Variants in DAPK1 observed in about 807,000 individuals in gnomAD.
DAPK1 encodes the protein death-associated protein kinase 1.
Under a neutral mutation model 144.9 loss-of-function variants are expected in DAPK1, and 56 were observed. That is an observed-to-expected ratio of 0.39 (90% CI 0.31 to 0.48). The LOEUF (loss-of-function observed/expected upper bound fraction) is 0.48, where lower values mean the gene tolerates loss of function less well. DAPK1 is among the 20% of genes least tolerant of loss of function. The pLI is 0.95. For synonymous variants in DAPK1, 690 were observed against 749.0 expected (o/e 0.92, Z 1.29); for missense variants, 1,454 against 1,875.4 (o/e 0.78, Z 4.15).
At chr9:87,606,319 G>A (rs982234823) in intron 3 of DAPK1, among the ~76,000 whole-genome samples, 2 of 152,170 alleles carry the variant, frequency 1.3e-5, no homozygotes, top group Non-Finnish European at 2.9e-5. Flanking sequence ...ATGGGTCTCA[G>A]CTACAAATTT....
intron 19 of DAPK1, among the ~76,000 whole-genome samples, chr9:87,669,557 A>T (rs12349990): frequency 0.37 from 56,870 of 151,746 alleles, 12,953 homozygotes; most frequent in African/African-American, 0.64. Context: ...TCATTTTTTT[A>T]AAAACCACAA....
chr9:87,556,899 C>T (rs990013018), intron 2 of DAPK1, among the ~76,000 whole-genome samples: 17 of 152,264 alleles, frequency 1.1e-4, no homozygotes, highest in African/African-American at 3.1e-4. Context: ...CTGCCTTGGG[C>T]GTGTTCCTTG....
At chr9:87,645,470 T>G (rs907675605) in intron 11 of DAPK1, among the ~76,000 whole-genome samples, 1 of 152,238 alleles carries the variant, frequency 6.6e-6, no homozygotes, top group African/African-American at 2.4e-5. Context: ...GAGAATATCT[T>G]ATTCAAAGGT....
chr9:87,625,750 G>A (rs932853524), intron 3 of DAPK1, among the ~76,000 whole-genome samples: 2 of 152,190 alleles, frequency 1.3e-5, no homozygotes, highest in Non-Finnish European at 2.9e-5. Flanking sequence ...CTCACATTTG[G>A]TTTAGAAAAT....
At chr9:87,691,862 A>G (rs1291517955) in intron 21 of DAPK1, among the ~76,000 whole-genome samples, 2 of 151,806 alleles carry the variant, frequency 1.3e-5, no homozygotes, top group African/African-American at 4.8e-5. Flanking sequence ...TATGATTTCA[A>G]TTTTTTTTAC....
In DAPK1 at chr9:87,574,451, A is replaced by G. The variant is rs1827469766; in HGVS notation, c.63-30503A>G. Among the ~76,000 whole-genome samples, 5 of 152,318 alleles carry G rather than the reference A, an allele frequency of 3.3e-5. 1 individual carries two copies. Among genetic ancestry groups the G allele is most frequent in the South Asian group, 2.1e-4 (1 of 4,828 alleles). On this transcript the variant is annotated intron_variant, in intron 2 of 25. Transcript: ENST00000408954. Reference sequence around the variant, plus strand: ...CCAACAGATGCTTCCCAGCCATTTTATATATATCACAGGAAGTTTGCAGTC... The same window carrying G: ...CCAACAGATGCTTCCCAGCCATTTTGTATATATCACAGGAAGTTTGCAGTC...
In DAPK1 at chr9:87,650,003, T is replaced by C; in HGVS notation, c.1511T>C (p.Val504Ala). The change falls in exon 16 of 26, where the codon GTG becomes GCG. Residue 504 changes from valine to alanine, a missense_variant. Val to Ala is a moderately conservative substitution (Grantham distance 64). Coordinates refer to ENST00000408954, the MANE Select transcript of DAPK1 (RefSeq NM_004938.4). Reference protein sequence around the residue: ...AKALCEAGCNVNIKNREGETP... With the variant: ...AKALCEAGCNANIKNREGETP... Reference sequence around the variant, plus strand: ...GCCCTTTGTGAAGCCGGCTGTAACGTGAACATCAAGAACCGAGAAGGAGAG... The same window carrying C: ...GCCCTTTGTGAAGCCGGCTGTAACGCGAACATCAAGAACCGAGAAGGAGAG... 1 of 1,614,210 alleles carries C rather than the reference T, an allele frequency of 6.2e-7. No homozygotes were observed. Among genetic ancestry groups the C allele is most frequent in the Non-Finnish European group, 8.5e-7 (1 of 1,180,036 alleles).
At position 87,638,048 on chromosome 9, in the gene DAPK1, G is replaced by T; in HGVS notation, c.390G>T (p.Leu130=). The T allele has an allele frequency of 1.2e-6, 2 of 1,613,488 alleles. No individual in the cohort carries two copies. Among genetic ancestry groups the T allele is most frequent in the Non-Finnish European group, 1.7e-6 (2 of 1,179,446 alleles). The change falls in exon 4 of 26, where the codon CTG becomes CTT. Residue 130 remains leucine, a synonymous_variant. Coordinates refer to ENST00000408954, the MANE Select transcript of DAPK1 (RefSeq NM_004938.4). ...LKQILNGVYY[L]HSLQIAHFDL... Reference sequence around the variant, plus strand: ...AAATTCTTAATGGTGTTTACTACCTGCACTCCCTTCAAATCGCCCACTTTG... The same window carrying T: ...AAATTCTTAATGGTGTTTACTACCTTCACTCCCTTCAAATCGCCCACTTTG...
intron 25 of DAPK1, among the ~76,000 whole-genome samples, chr9:87,704,878 C>A (rs1023881236): frequency 2.0e-5 from 3 of 152,208 alleles, no homozygotes; most frequent in Non-Finnish European, 4.4e-5. Context: ...GCGATGGCCA[C>A]TCTCCAAGAA....
chr9:87,701,906 G>A (rs1350212714), intron 24 of DAPK1: 1 of 469,816 alleles, frequency 2.1e-6, no homozygotes, highest in South Asian at 1.6e-5. Context: ...ATAGGGGGTA[G>A]TCCGGTGAGG....
chr9:87,528,378 C>T (rs1421208559), intron 2 of DAPK1, among the ~76,000 whole-genome samples: 1 of 152,064 alleles, frequency 6.6e-6, no homozygotes, highest in Non-Finnish European at 1.5e-5. Context: ...TCACCACTCC[C>T]AGCTAATTGT....
At chr9:87,596,422 C>G (rs969821747) in intron 2 of DAPK1, among the ~76,000 whole-genome samples, 2 of 152,148 alleles carry the variant, frequency 1.3e-5, no homozygotes, top group African/African-American at 4.8e-5. Context: ...AGCAATAAGC[C>G]CTGCCCAGCC....
At chr9:87,622,846 G>A (rs372320574) in intron 3 of DAPK1, among the ~76,000 whole-genome samples, 1 of 152,024 alleles carries the variant, frequency 6.6e-6, no homozygotes, top group Non-Finnish European at 1.5e-5. Flanking sequence ...GGGAGGTGGC[G>A]GTTGCAGTGA....
At position 87,703,074 on chromosome 9, in the gene DAPK1, C is replaced by T. The variant is rs772167314; in HGVS notation, c.2917C>T (p.Leu973=). The T allele has an allele frequency of 3.8e-6, 6 of 1,599,984 alleles. No individual in the cohort carries two copies. The highest frequency in any genetic ancestry group is 4.3e-6 in the Non-Finnish European group (5 of 1,167,046). The part of the protein sequence containing the change: ...THLCEKIIST[L]PSWRKLNGPN... The stretch of plus-strand genomic sequence containing the variant: ...CCTGTGTGAGAAAATCATCTCCACG[C>T]TGCCTTCCTGGAGGAAGCTCAATGG... The change falls in exon 25 of 26, where the codon CTG becomes TTG. Residue 973 remains leucine, a synonymous_variant. Coordinates refer to ENST00000408954, the MANE Select transcript of DAPK1 (RefSeq NM_004938.4).
intron 11 of DAPK1, among the ~76,000 whole-genome samples, chr9:87,645,177 A>G (rs1158889923): frequency 6.6e-6 from 1 of 152,158 alleles, no homozygotes; most frequent in Non-Finnish European, 1.5e-5. Flanking sequence ...TTTTCTAGCT[A>G]ATTCCTTAGT....
At chr9:87,549,094 C>A (rs1302289240) in intron 2 of DAPK1, among the ~76,000 whole-genome samples, 1 of 151,964 alleles carries the variant, frequency 6.6e-6, no homozygotes, top group Non-Finnish European at 1.5e-5. Context: ...GCTCTCCCTC[C>A]CTGCATCCCC....
intron 2 of DAPK1, among the ~76,000 whole-genome samples, chr9:87,566,644 G>A (rs1258959124): frequency 2.0e-5 from 3 of 152,172 alleles, no homozygotes; most frequent in Non-Finnish European, 4.4e-5. Flanking sequence ...TACAGAACTA[G>A]CCTAGACCAA....
intron 2 of DAPK1, among the ~76,000 whole-genome samples, chr9:87,527,234 A>T (rs769040731): frequency 6.6e-6 from 1 of 152,108 alleles, no homozygotes; most frequent in South Asian, 2.1e-4. Flanking sequence ...CCCTTGACTT[A>T]TGTGCTCTTG....
intron 3 of DAPK1, among the ~76,000 whole-genome samples, chr9:87,607,779 C>T (rs1343975665): frequency 6.6e-6 from 1 of 152,074 alleles, no homozygotes; most frequent in Non-Finnish European, 1.5e-5. Flanking sequence ...TCATGCCTGC[C>T]CTCTACTGCC....
Sources: allele counts gnomAD v4.1 joint callset (sites outside exome capture counted in the v4.1 genomes callset), GRCh38; gene constraint gnomAD v4.1.1; transcripts MANE v1.5; gene names NCBI Gene and HGNC (gene_info 2026-07-23, HGNC 2026-07-21).